ANK3: variants seen among roughly 807,000 people sequenced by gnomAD.
ANK3 encodes the protein ankyrin 3.
A neutral mutation model predicts 370.9 loss-of-function variants in ANK3; 57 were observed. The ratio of observed to expected loss-of-function variants is 0.15; its 90% confidence interval spans 0.12 to 0.19. ANK3 has a LOEUF of 0.19. Among genes scored for constraint, ANK3 ranks in the 10% least tolerant of loss-of-function variants. The probability of loss-of-function intolerance (pLI) is 1.00; values close to 1 mark genes in which losing one functional copy is unlikely to be tolerated. For synonymous variants in ANK3, 1,929 were observed against 1,946.3 expected (o/e 0.99, Z 0.23); for missense variants, 4,439 against 5,302.1 (o/e 0.84, Z 5.06).
chr10:60,203,059 A>C lies in ANK3; in HGVS notation c.1335T>G (p.His445Gln), dbSNP rs1381696686. The C allele has an allele frequency of 6.2e-7, 1 of 1,613,638 alleles. No individual in the cohort carries two copies. The highest frequency in any genetic ancestry group is 8.5e-7 in the Non-Finnish European group (1 of 1,179,814). The change falls in exon 12 of 44, where the codon CAT becomes CAG. Residue 445 changes from histidine to glutamine, a missense_variant. Around this residue, in one of 13 missense-constraint regions of ANK3, gnomAD observed 227 missense variants for 377.6 expected, o/e 0.60. Coordinates refer to ENST00000280772, the MANE Select transcript of ANK3 (RefSeq NM_020987.5). ...GCATTAGTTGTGATACAATATTTACATGCCCCATGAAGGCAGCAACATGGA... is the reference window on the plus strand; with the variant it reads ...GCATTAGTTGTGATACAATATTTACCTGCCCCATGAAGGCAGCAACATGGA... ...TPIHVAAFMG[H>Q]VNIVSQLMHH...
intron 42 of ANK3, among the ~76,000 whole-genome samples, chr10:60,045,223 A>G (rs2076750606): frequency 6.6e-6 from 1 of 152,226 alleles, no homozygotes; most frequent in South Asian, 2.1e-4. Flanking sequence ...CAAAATTATC[A>G]GAGTCACTAT....
At chr10:60,315,967 G>A (rs1405078070) in intron 1 of ANK3, among the ~76,000 whole-genome samples, 2 of 152,144 alleles carry the variant, frequency 1.3e-5, no homozygotes, top group Admixed American at 6.5e-5. Context: ...TACTCTATGT[G>A]CTAAGGTGGG....
intron 2 of ANK3, among the ~76,000 whole-genome samples, chr10:60,614,511 A>G (rs1045710665): frequency 6.6e-6 from 1 of 152,200 alleles, no homozygotes; most frequent in African/African-American, 2.4e-5. Context: ...TGAAAAGAAT[A>G]GTGGATGGCA....
In ANK3 at chr10:60,068,864, T is replaced by G; in HGVS notation, c.12017A>C (p.Glu4006Ala). ...SIEYFKGISG[E>A]TLKLVDRLSE... ...GAGGCGGTCCACAAGCTTTAAGGTC[T>G]CACCACTAATTCCCTTAAAATATTC... Residue 4006 changes from glutamate to alanine, a missense_variant, in exon 37 of 44, where the codon GAG becomes GCG. This residue lies in a region of ANK3 where 496 missense variants were observed against 529.3 expected (regional missense o/e 0.94). Transcript: ENST00000280772. The G allele has an allele frequency of 6.2e-7, 1 of 1,614,206 alleles. No individual in the cohort carries two copies. The highest frequency in any genetic ancestry group is 8.5e-7 in the Non-Finnish European group (1 of 1,180,032).
chr10:60,452,939 G>T (rs1028308256), intron 2 of ANK3, among the ~76,000 whole-genome samples: 1 of 152,198 alleles, frequency 6.6e-6, no homozygotes, highest in Admixed American at 6.5e-5. Context: ...CACACTTCCT[G>T]TGATGCCCAA....
intron 2 of ANK3, among the ~76,000 whole-genome samples, chr10:60,399,701 C>T (rs2063315886): frequency 6.6e-6 from 1 of 152,172 alleles, no homozygotes; most frequent in African/African-American, 2.4e-5. Flanking sequence ...TTGCACTAAA[C>T]TCCGTACACT....
intron 43 of ANK3, among the ~76,000 whole-genome samples, chr10:60,033,536 A>AAAAAAAAAAAAAAAAC (rs1554812951): frequency 2.0e-5 from 2 of 98,394 alleles, no homozygotes; most frequent in African/African-American, 3.9e-5. Context: ...AAAAAAAAAA[A>AAAAAAAAAAAAAAAAC]AAACTTGGAA....
At chr10:60,382,618 C>T (rs1012349503) in intron 1 of ANK3, among the ~76,000 whole-genome samples, 12 of 151,912 alleles carry the variant, frequency 7.9e-5, no homozygotes, top group African/African-American at 2.2e-4. Flanking sequence ...AGCTTGATGT[C>T]CTCTGGTTTG....
At chr10:60,398,870 A>G (rs905494826) in intron 2 of ANK3, among the ~76,000 whole-genome samples, 1 of 152,186 alleles carries the variant, frequency 6.6e-6, no homozygotes, top group African/African-American at 2.4e-5. Flanking sequence ...AATACATAGC[A>G]TATCTGGTTC....
intron 5 of ANK3, among the ~76,000 whole-genome samples, chr10:60,269,656 C>G (rs563426625): frequency 2.0e-5 from 3 of 146,760 alleles, no homozygotes; most frequent in South Asian, 2.2e-4. Flanking sequence ...CCTCCCCCCC[C>G]CCAAAAAAAG....
intron 1 of ANK3, among the ~76,000 whole-genome samples, chr10:60,330,989 CATT>C (rs2051116918): frequency 6.6e-6 from 1 of 152,118 alleles, no homozygotes; most frequent in East Asian, 1.9e-4. Context: ...AGCTGGAAAT[CATT>C]ATTCTCAGCA....
At chr10:60,710,384 G>A (rs991235803) in intron 1 of ANK3, among the ~76,000 whole-genome samples, 3 of 151,918 alleles carry the variant, frequency 2.0e-5, no homozygotes, top group East Asian at 1.9e-4. Context: ...TCTCTCAAGC[G>A]TAAATGGCAC....
chr10:60,312,252 G>C (rs1236518187), intron 1 of ANK3, among the ~76,000 whole-genome samples: 1 of 152,236 alleles, frequency 6.6e-6, no homozygotes, highest in Non-Finnish European at 1.5e-5. Context: ...CTGAGCCCCA[G>C]TTCTGAGCCC....
chr10:60,565,776 C>T (rs989437600), intron 2 of ANK3, among the ~76,000 whole-genome samples: 1 of 152,202 alleles, frequency 6.6e-6, no homozygotes, highest in African/African-American at 2.4e-5. Context: ...ATGCCTTTGA[C>T]TATCCTTTCA....
intron 28 of ANK3, among the ~76,000 whole-genome samples, chr10:60,102,479 C>T (rs777026442): frequency 4.6e-5 from 7 of 152,098 alleles, no homozygotes; most frequent in Non-Finnish European, 8.8e-5. Flanking sequence ...GGTCACACAA[C>T]GAGTAAGCGG....
intron 8 of ANK3, among the ~76,000 whole-genome samples, chr10:60,219,934 A>AT (rs1565771939): frequency 1.3e-5 from 2 of 152,218 alleles, no homozygotes; most frequent in Non-Finnish European, 2.9e-5. Context: ...TAATTTGAAC[A>AT]TTCTTTGGAG....
chr10:60,055,429 T>C (rs749852687), intron 42 of ANK3, among the ~76,000 whole-genome samples: 1 of 152,190 alleles, frequency 6.6e-6, no homozygotes, highest in Non-Finnish European at 1.5e-5. Context: ...TCCTGCACCA[T>C]GAATGAAGGT....
At chr10:60,661,557 C>T (rs2078935928) in intron 1 of ANK3, among the ~76,000 whole-genome samples, 1 of 152,062 alleles carries the variant, frequency 6.6e-6, no homozygotes, top group Non-Finnish European at 1.5e-5. Flanking sequence ...TTATGGATAG[C>T]AATTGACTCC....
In ANK3 at chr10:60,492,704, CT is replaced by C. The variant is rs1202882610; in HGVS notation, c.96+122481del. Among the ~76,000 whole-genome samples the C allele has an allele frequency of 1.4e-4, 8 of 59,010 alleles. No homozygotes were observed. The East Asian group carries it at 3.0e-3, about 22-fold the overall frequency. 38.7% of individuals were successfully genotyped at this position (59,010 alleles called of 152,430 possible). On this transcript the variant is annotated intron_variant, in intron 2 of 43. Transcript: ENST00000373827. ...CCTGGGCAACACAGTGAGACTCTGT[CT>C]CAAAAAAAAAAAAAAAAAAGAAAGA...
Sources: allele counts gnomAD v4.1 joint callset (sites outside exome capture counted in the v4.1 genomes callset), GRCh38; gene constraint gnomAD v4.1.1; regional missense constraint gnomAD v4.1.1; transcripts MANE v1.5; gene names NCBI Gene and HGNC (gene_info 2026-07-23, HGNC 2026-07-21).